The following MYO18B variants were observed in gnomAD, a reference collection of about 807,000 sequenced individuals.
MYO18B encodes the protein unconventional myosin-XVIIIb.
Under a neutral mutation model 273.0 loss-of-function variants are expected in MYO18B, and 204 were observed. The observed-to-expected ratio is 0.75, with a 90% CI of 0.67 to 0.84. The LOEUF is 0.84. MYO18B is among the 40% of genes least tolerant of loss of function. The probability of loss-of-function intolerance (pLI) is 0.00; values close to 1 mark genes in which losing one functional copy is unlikely to be tolerated. For synonymous variants in MYO18B, 1,330 were observed against 1,305.7 expected, an observed-to-expected ratio of 1.02 and a Z score of -0.40; for missense variants, 3,212 against 3,287.6, an observed-to-expected ratio of 0.98 and a Z score of 0.56.
intron 18 of MYO18B, among the ~76,000 whole-genome samples, chr22:25,844,454 AC>A (rs2090176732): frequency 6.6e-6 from 1 of 152,162 alleles, no homozygotes; most frequent in Non-Finnish European, 1.5e-5. Context: ...AACTGAGACG[AC>A]CAGGGAGGTG....
chr22:25,895,559 G>A (rs1601504310), intron 28 of MYO18B: 3 of 301,070 alleles, frequency 1.0e-5, no homozygotes, highest in Admixed American at 4.8e-5. Flanking sequence ...CCATTTCTAC[G>A]TGAACCTTGT....
chr22:25,898,419 A>G lies in MYO18B; in HGVS notation c.4781A>G (p.Asn1594Ser), dbSNP rs898206722. ...GAGGATACCTGCGTCCTGCTAGAGAACCAACAAAGTCGAAACCATGAGCTG... is the reference window on the plus strand; with the variant it reads ...GAGGATACCTGCGTCCTGCTAGAGAGCCAACAAAGTCGAAACCATGAGCTG... ...DLEDTCVLLE[N>S]QQSRNHELEK... Residue 1594 changes from asparagine (N) to serine (S), a missense_variant, in exon 29 of 44, where the codon AAC becomes AGC. Physicochemically the swap from Asn to Ser is conservative, Grantham distance 46. Transcript: ENST00000335473. The G allele has an allele frequency of 6.2e-7, 1 of 1,613,852 alleles. No individual in the cohort carries two copies.
At chr22:25,954,590 A>G (rs2092827231) in intron 38 of MYO18B, among the ~76,000 whole-genome samples, 2 of 152,160 alleles carry the variant, frequency 1.3e-5, no homozygotes. Flanking sequence ...GAGGGCCTCC[A>G]TAACGTGCCC....
downstream of MYO18B, among the ~76,000 whole-genome samples, chr22:26,031,921 T>C (rs1430770060): frequency 6.6e-6 from 1 of 152,158 alleles, no homozygotes; most frequent in Non-Finnish European, 1.5e-5. Context: ...TCTGGGTCAC[T>C]GGAGAGTGCT....
chr22:25,802,758 A>AC (rs2088266208), intron 12 of MYO18B, among the ~76,000 whole-genome samples: 2 of 56,592 alleles, frequency 3.5e-5, no homozygotes, highest in Non-Finnish European at 9.9e-5. Context: ...GTCTCAAAAA[A>AC]AAAAAAAAAA....
At chr22:25,758,865 C>T (rs1392249564) in intron 1 of MYO18B, among the ~76,000 whole-genome samples, 1 of 151,844 alleles carries the variant, frequency 6.6e-6, no homozygotes, top group African/African-American at 2.4e-5. Flanking sequence ...TCACACCATT[C>T]TGCCTCAGCC....
At chr22:25,889,129 C>G (rs1356079102) in intron 25 of MYO18B, among the ~76,000 whole-genome samples, 1 of 151,640 alleles carries the variant, frequency 6.6e-6, no homozygotes, top group Non-Finnish European at 1.5e-5. Flanking sequence ...ACATTCTATT[C>G]TGGAAATTTG....
chr22:26,018,075 A>G (rs1935523960), intron 42 of MYO18B, among the ~76,000 whole-genome samples: 1 of 149,696 alleles, frequency 6.7e-6, no homozygotes, highest in African/African-American at 2.5e-5. Context: ...CCTGGTAGCC[A>G]GTAAGAATGT....
intron 39 of MYO18B, among the ~76,000 whole-genome samples, chr22:25,956,212 C>CTTTT (rs60449297): frequency 7.2e-6 from 1 of 139,344 alleles, no homozygotes; most frequent in African/African-American, 2.6e-5. Context: ...ACCGAGGAAC[C>CTTTT]TTTTTTTTTT....
At chr22:25,997,562 CT>C (rs555219035) in intron 40 of MYO18B, among the ~76,000 whole-genome samples, 37 of 152,018 alleles carry the variant, frequency 2.4e-4, no homozygotes, top group African/African-American at 7.7e-4. Context: ...ACAGTGTAGA[CT>C]TCAGTAATAT....
chr22:26,052,456 T>A, the MYO18B span, among the ~76,000 whole-genome samples: 1 of 152,198 alleles, frequency 6.6e-6, no homozygotes, highest in African/African-American at 2.4e-5. Context: ...GATTAATGGA[T>A]GTATATTCTC....
intron 1 of MYO18B, among the ~76,000 whole-genome samples, chr22:25,750,464 T>C (rs1209973356): frequency 3.3e-5 from 5 of 152,148 alleles, no homozygotes; most frequent in African/African-American, 1.2e-4. Context: ...CATCCTTTTT[T>C]TCCCTCGCTG....
At position 25,798,114 on chromosome 22, in the gene MYO18B, G is replaced by A. The variant is rs745619297; in HGVS notation, c.2521+17G>A. The A allele has an allele frequency of 2.1e-5, 34 of 1,589,780 alleles. No homozygotes were observed. Among genetic ancestry groups the A allele is most frequent in the East Asian group, 9.0e-5 (4 of 44,328 alleles). On this transcript the variant is annotated intron_variant, in intron 12 of 43. Transcript: ENST00000335473. ...CCTGCAAAGGTACGTCCTTCCTGCC[G>A]GGCTCACCTGGGAGGGCAGCTGTCT...
chr22:25,799,550 CAT>C (rs1489772743), intron 12 of MYO18B, among the ~76,000 whole-genome samples: 2 of 152,168 alleles, frequency 1.3e-5, no homozygotes, highest in East Asian at 1.9e-4. Context: ...ATTGAATGAA[CAT>C]GTGTGTGAAT....
intron 34 of MYO18B, among the ~76,000 whole-genome samples, chr22:25,936,979 C>T (rs113447641): frequency 6.6e-6 from 1 of 152,096 alleles, no homozygotes; most frequent in East Asian, 1.9e-4. Context: ...AATTCTGTCT[C>T]TGGCAATGTG....
intron 40 of MYO18B, among the ~76,000 whole-genome samples, chr22:26,002,840 C>T (rs1421901484): frequency 6.6e-6 from 1 of 152,138 alleles, no homozygotes; most frequent in Non-Finnish European, 1.5e-5. Context: ...TGGAGTTTCC[C>T]ACAATGCCCT....
intron 21 of MYO18B, among the ~76,000 whole-genome samples, chr22:25,868,013 G>A (rs192427860): frequency 2.0e-5 from 3 of 152,250 alleles, no homozygotes; most frequent in African/African-American, 4.8e-5. Flanking sequence ...TTAATTATTC[G>A]AGGAACCTCT....
chr22:25,867,897 CTGAGA>C (rs1275795659), intron 21 of MYO18B, among the ~76,000 whole-genome samples: 2 of 152,186 alleles, frequency 1.3e-5, no homozygotes, highest in Non-Finnish European at 2.9e-5. Flanking sequence ...TCCCAAAGTG[CTGAGA>C]TAACAGCCGT....
In MYO18B at chr22:26,026,501, G is replaced by C. The variant is rs752502738; in HGVS notation, c.6527G>C (p.Arg2176Thr). The C allele has an allele frequency of 1.2e-6, 2 of 1,613,928 alleles. No individual in the cohort carries two copies. Among genetic ancestry groups the C allele is most frequent in the Non-Finnish European group, 1.7e-6 (2 of 1,179,886 alleles). ...ERTQSALALS[R>T]ARSTNVHSKT... ...ACCCAGTCGGCATTGGCACTGAGCA[G>C]AGCCCGGTCCACCAATGTCCACAGC... is the stretch of plus-strand genomic sequence containing the variant. The change falls in exon 43 of 44, where the codon AGA becomes ACA. Residue 2176 changes from arginine to threonine, a missense_variant. Transcript: ENST00000335473.
Sources: allele counts gnomAD v4.1 joint callset (sites outside exome capture counted in the v4.1 genomes callset), GRCh38; gene constraint gnomAD v4.1.1; transcripts MANE v1.5; gene names NCBI Gene and HGNC (gene_info 2026-07-23, HGNC 2026-07-21).